Variants in CHIT1 observed in about 807,000 individuals in gnomAD.
The protein encoded by CHIT1 is chitotriosidase-1.
A neutral mutation model predicts 52.0 loss-of-function variants in CHIT1; 47 were observed. The observed-to-expected ratio is 0.90, with a 90% CI of 0.71 to 1.15. The LOEUF (loss-of-function observed/expected upper bound fraction) is 1.15. Ranked by LOEUF, CHIT1 falls within the 50% of genes most tolerant of loss-of-function variation. The pLI is 0.00. For missense variants in CHIT1, 569 were observed against 583.0 expected (o/e 0.98, Z 0.25); for synonymous variants, 242 against 228.2 (o/e 1.06, Z -0.54).
At chr1:203,223,433 T>C in intron 5 of CHIT1, 62 bp downstream of exon 5, 2 of 1,606,338 alleles carry the variant, frequency 1.2e-6, no homozygotes, top group Non-Finnish European at 1.7e-6. Flanking sequence ...CCACATGTGC[T>C]GTGGGGGCTC....
chr1:203,229,706 C>T (rs1178835932), upstream of CHIT1: 3 of 1,574,558 alleles, frequency 1.9e-6, no homozygotes, highest in African/African-American at 2.7e-5. Context: ...TTTTATCTGG[C>T]CACCCTGTCC....
chr1:203,228,908 C>T (rs1657034058), intron 1 of CHIT1, among the ~76,000 whole-genome samples: 2 of 152,162 alleles, frequency 1.3e-5, no homozygotes, highest in African/African-American at 2.4e-5. Context: ...TCTTTCGGAA[C>T]AAGAAACAAG....
rs998524785 is a variant in CHIT1 at position 203,216,388 on chromosome 1, G to T, written c.*501C>A. On this transcript the variant is annotated 3_prime_UTR_variant, in exon 11 of 11. Transcript: ENST00000367229. ...AAAAGTTCTTCTCTGCTGCCATCTA[G>T]TGGCATTTTGGGAATAACACGTGCG... 2.2e-6 allele frequency: 1 copy of T among 454,184 alleles called. No homozygotes were observed. The highest frequency in any genetic ancestry group is 4.4e-6 in the Non-Finnish European group (1 of 226,838). The allele number at this position is 454,184 out of a possible 1,614,324, so 28.1% of individuals were successfully genotyped here. A position where few individuals can be genotyped will look rare whatever the true frequency, so the allele number is the denominator to read the frequency against.
At chr1:203,220,065 C>T (rs376125435) in intron 7 of CHIT1, among the ~76,000 whole-genome samples, 35 of 152,264 alleles carry the variant, frequency 2.3e-4, no homozygotes, top group African/African-American at 7.9e-4. Flanking sequence ...AACCAGAGAG[C>T]GTGGGCTTCG....
rs192633567 is a variant in CHIT1, at chr1:203,216,107, G to A, written c.*782C>T. 6.0e-4 allele frequency: 272 copies of A among 454,072 alleles called. 1 individual carries two copies. Among genetic ancestry groups the A allele is most frequent in the Middle Eastern group, 2.8e-3 (4 of 1,444 alleles). The allele number at this position is 454,072 out of a possible 1,614,324, so 28.1% of individuals were successfully genotyped here. The stretch of plus-strand genomic sequence containing the variant: ...TGTTGGGATGACTTTATTTAACCAG[G>A]ACACCGTGTGCATGCTCTCTGGCCC... On this transcript the variant is annotated 3_prime_UTR_variant, in exon 11 of 11. Coordinates refer to ENST00000367229, the MANE Select transcript of CHIT1 (RefSeq NM_003465.3).
In CHIT1 at chr1:203,216,244, A is replaced by G. The variant is rs1656519955; in HGVS notation, c.*645T>C. ...TCTTCATCTGGTGAACGGGGGCAGTAGGTGAGATAGGGCCTGCAAAGGGCC... is the reference window on the plus strand; with the variant it reads ...TCTTCATCTGGTGAACGGGGGCAGTGGGTGAGATAGGGCCTGCAAAGGGCC... On this transcript the variant is annotated 3_prime_UTR_variant, in exon 11 of 11. Coordinates refer to ENST00000367229, the MANE Select transcript of CHIT1 (RefSeq NM_003465.3). 2.2e-6 allele frequency: 1 copy of G among 454,012 alleles called. No individual in the cohort carries two copies. Among genetic ancestry groups the G allele is most frequent in the Admixed American group, 2.3e-5 (1 of 42,558 alleles). 28.1% of individuals were successfully genotyped at this position (454,012 alleles called of 1,614,324 possible). A position where few individuals can be genotyped will look rare whatever the true frequency, so the allele number is the denominator to read the frequency against.
At position 203,222,287 on chromosome 1, in the gene CHIT1, T is replaced by G; in HGVS notation, c.644A>C (p.His215Pro). 6.2e-7 allele frequency: 1 copy of G among 1,614,168 alleles called. No homozygotes were observed. Among genetic ancestry groups the G allele is most frequent in the Middle Eastern group, 1.6e-4 (1 of 6,062 alleles). ...TCCCGTGACCTTCTCCCAAGAGCCA[T>G]GGAAGTCGTAGGCCATAAGGTTGAC... ...DFVNLMAYDF[H>P]GSWEKVTGHN... is the part of the protein sequence containing the mutation. Residue 215 changes from histidine to proline, a missense_variant, in exon 7 of 11, where the codon CAT (histidine) becomes CCT (proline). Transcript: ENST00000367229.
chr1:203,222,706 AGGCCTGGGGTGG>A (rs1656782130), intron 6 of CHIT1, among the ~76,000 whole-genome samples: 1 of 152,196 alleles, frequency 6.6e-6, no homozygotes, highest in Non-Finnish European at 1.5e-5. Context: ...GTTCTTCAGA[AGGCCTGGGGTGG>A]GGCCTGAGAG....
Position 203,217,770 on chromosome 1 carries a change from G to C in CHIT1, c.1125C>G (p.Tyr375Ter), listed in dbSNP as rs149987600. ...CCTGCCGTAGCGTCTGGATGAGGGGGTATCGGCCCTGGTTGCAGGAGAAGC... is the reference window on the plus strand; with the variant it reads ...CCTGCCGTAGCGTCTGGATGAGGGGCTATCGGCCCTGGTTGCAGGAGAAGC... The part of the protein sequence containing the change: ...FAGFSCNQGR[Y>*]PLIQTLRQEL... The change falls in exon 10 of 11, where the codon TAC becomes TAG. Residue 375 changes from tyrosine (Y) to a stop codon, truncating the protein, a stop_gained. Transcript: ENST00000367229. LOFTEE classifies it low-confidence loss of function (END_TRUNC). 1 of 1,613,858 alleles carries C rather than the reference G, an allele frequency of 6.2e-7. No homozygotes were observed. Among genetic ancestry groups the C allele is most frequent in the South Asian group, 1.1e-5 (1 of 91,084 alleles).
At chr1:203,228,639 C>T in intron 1 of CHIT1, 77 bp from the exon 2 acceptor site, 1 of 1,499,066 alleles carries the variant, frequency 6.7e-7, no homozygotes, top group Non-Finnish European at 9.1e-7. Context: ...TACGGAAGCA[C>T]AGGAGGTGGT....
Position 203,217,090 on chromosome 1 carries a change from T to C in CHIT1, c.1200A>G (p.Pro400=), listed in dbSNP as rs745337406. ...CAGGTTCAGAGGGCTGACCTGGTTT[T>C]GGAACTTCAAGCTCTGGGGTGCCTG... is the stretch of plus-strand genomic sequence containing the variant. ...LPSGTPELEV[P]KPGQPSEPEH... Residue 400 remains proline (P), a synonymous_variant, in exon 11 of 11, where the codon CCA becomes CCG. Transcript: ENST00000367229. 3.1e-6 allele frequency: 5 copies of C among 1,611,810 alleles called. No homozygotes were observed. The highest frequency in any genetic ancestry group is 4.2e-6 in the Non-Finnish European group (5 of 1,180,018).
intron 3 of CHIT1, 111 bp downstream of exon 3, chr1:203,225,558 C>T: frequency 8.9e-7 from 1 of 1,128,436 alleles, no homozygotes; most frequent in Non-Finnish European, 1.3e-6. Flanking sequence ...CCCAAAGCCA[C>T]ACAGTGGGTC....
chr1:203,228,054 A>T (rs966452853), intron 2 of CHIT1, among the ~76,000 whole-genome samples: 7 of 152,182 alleles, frequency 4.6e-5, no homozygotes, highest in African/African-American at 1.7e-4. Context: ...CAAGCTCCAC[A>T]TCTGATCAGT....
chr1:203,219,984 C>T (rs2102233563), intron 7 of CHIT1, 135 bp from the exon 8 acceptor site: 1 of 1,060,424 alleles, frequency 9.4e-7, no homozygotes, highest in East Asian at 2.6e-5. Context: ...GTTAGGATTC[C>T]AGCCCTACCC....
In CHIT1 at chr1:203,222,266, G is replaced by T. The variant is rs778655930; in HGVS notation, c.665C>A (p.Thr222Lys). The T allele has an allele frequency of 9.9e-6, 16 of 1,614,056 alleles. No individual in the cohort carries two copies. Among genetic ancestry groups the T allele is most frequent in the Non-Finnish European group, 1.4e-5 (16 of 1,180,038 alleles). The part of the protein sequence containing the change: ...YDFHGSWEKV[T>K]GHNSPLYKRQ... ...CTTGTAGAGGGGGCTGTTATGTCCCGTGACCTTCTCCCAAGAGCCATGGAA... is the reference window on the plus strand; with the variant it reads ...CTTGTAGAGGGGGCTGTTATGTCCCTTGACCTTCTCCCAAGAGCCATGGAA... The change falls in exon 7 of 11, where the codon ACG becomes AAG. Residue 222 changes from threonine (T) to lysine (K), a missense_variant. Coordinates refer to ENST00000367229, the MANE Select transcript of CHIT1 (RefSeq NM_003465.3).
intron 1 of CHIT1, among the ~76,000 whole-genome samples, chr1:203,229,071 T>A (rs545796052): frequency 6.6e-6 from 1 of 152,282 alleles, no homozygotes; most frequent in East Asian, 1.9e-4. Context: ...CTTGGAGACC[T>A]AGGGTCTGAC....
intron 4 of CHIT1, 69 bp downstream of exon 4, chr1:203,224,979 C>T (rs529641427): frequency 7.1e-7 from 1 of 1,405,250 alleles, no homozygotes; most frequent in Non-Finnish European, 1.0e-6. Context: ...CTGACCAGGG[C>T]TCCCTCTGGC....
At position 203,223,604 on chromosome 1, in the gene CHIT1, A is replaced by G; in HGVS notation, c.371T>C (p.Ile124Thr). The G allele has an allele frequency of 6.2e-7, 1 of 1,614,184 alleles. No individual in the cohort carries two copies. The highest frequency in any genetic ancestry group is 8.5e-7 in the Non-Finnish European group (1 of 1,180,026). ...AAAGCTGTATTTGCGCAGAAACCTG[A>G]TGGCCGAGTTGACAAAGGTCTGACG... ...NNRQTFVNSA[I>T]RFLRKYSFDG... Residue 124 changes from isoleucine to threonine, a missense_variant, in exon 5 of 11, where the codon ATC becomes ACC. Physicochemically the swap from Ile to Thr is moderately conservative, Grantham distance 89. Coordinates refer to ENST00000367229, the MANE Select transcript of CHIT1 (RefSeq NM_003465.3).
chr1:203,228,623 A>C (rs1657013885), intron 1 of CHIT1, 61 bp from the exon 2 acceptor site: 1 of 1,541,848 alleles, frequency 6.5e-7, no homozygotes, highest in Non-Finnish European at 8.8e-7. Context: ...CCCAGGCCCC[A>C]CAGCTTACGG....
Sources: allele counts gnomAD v4.1 joint callset (sites outside exome capture counted in the v4.1 genomes callset), GRCh38; gene constraint gnomAD v4.1.1; transcripts MANE v1.5; gene names NCBI Gene and HGNC (gene_info 2026-07-23, HGNC 2026-07-21).